Variants in HTR5A observed in about 807,000 individuals in gnomAD.
The protein encoded by HTR5A is 5-hydroxytryptamine receptor 5A.
Under a neutral mutation model 24.3 loss-of-function variants are expected in HTR5A, and 21 were observed. The ratio of observed to expected loss-of-function variants is 0.86; its 90% CI spans 0.61 to 1.24. HTR5A has a LOEUF of 1.24. Among genes scored for constraint, HTR5A ranks in the 50% most tolerant of loss-of-function variants. The probability of loss-of-function intolerance (pLI) is 0.00; values close to 1 mark genes in which losing one functional copy is unlikely to be tolerated. For synonymous variants in HTR5A, 260 were observed against 213.7 expected (o/e 1.22, Z -1.89); for missense variants, 497 against 489.5 (o/e 1.02, Z -0.15).
At position 155,084,155 on chromosome 7, in the gene HTR5A, G is replaced by T; in HGVS notation, c.742G>T (p.Val248Leu). ...TAAAGCTCCTGCTTGTCTTTTACAGGTGAAGGACTCTGCCAAACAGCCCCA... is the reference window on the plus strand; with the variant it reads ...TAAAGCTCCTGCTTGTCTTTTACAGTTGAAGGACTCTGCCAAACAGCCCCA... The part of the protein sequence containing the change: ...SVSPISEAVE[V>L]KDSAKQPQMV... The change falls in exon 2 of 2, where the codon GTG becomes TTG. Residue 248 changes from valine (V) to leucine (L), a missense_variant and splice_region_variant. Coordinates refer to ENST00000287907, the MANE Select transcript of HTR5A (RefSeq NM_024012.4). 1 of 1,597,054 alleles carries T rather than the reference G, an allele frequency of 6.3e-7. No homozygotes were observed.
intron 1 of HTR5A, chr7:155,077,296 G>A (rs1795368333): frequency 6.6e-6 from 1 of 152,028 alleles, no homozygotes; most frequent in Non-Finnish European, 1.5e-5. Context: ...GTTATAAGTT[G>A]GCACACAGAA....
rs868262290 is a variant in HTR5A at position 155,084,899 on chromosome 7, A to C, written c.*412A>C. 1 of 177,000 alleles carries C rather than the reference A, an allele frequency of 5.6e-6. No individual in the cohort carries two copies. Among genetic ancestry groups the C allele is most frequent in the Non-Finnish European group, 1.2e-5 (1 of 84,594 alleles). 11.0% of individuals were successfully genotyped at this position (177,000 alleles called of 1,614,324 possible). On this transcript the variant is annotated 3_prime_UTR_variant, in exon 2 of 2. Transcript: ENST00000287907. Reference sequence around the variant, plus strand: ...AGTCATGATGTAGACCTCTGAGGGTAGGAGACCATAGTTCCAGGCTTTCTG... The same window carrying C: ...AGTCATGATGTAGACCTCTGAGGGTCGGAGACCATAGTTCCAGGCTTTCTG...
At chr7:155,077,797 T>G (rs1323745699) in intron 1 of HTR5A, among the ~76,000 whole-genome samples, 1 of 152,202 alleles carries the variant, frequency 6.6e-6, no homozygotes, top group Non-Finnish European at 1.5e-5. Context: ...TTGTTTGTTT[T>G]TAATTTTTAA....
Position 155,071,016 on chromosome 7 carries a change from C to A in HTR5A, c.117C>A (p.Phe39Leu). The A allele has an allele frequency of 1.2e-6, 2 of 1,611,760 alleles. No homozygotes were observed. Among genetic ancestry groups the A allele is most frequent in the Non-Finnish European group, 1.7e-6 (2 of 1,180,036 alleles). ...LRPSSPLLSV[F>L]GVLILTLLGF... ...CCAGCTCGCCCCTGCTCTCGGTCTT[C>A]GGAGTGCTTATTCTCACCTTGCTGG... The change falls in exon 1 of 2, where the codon TTC (phenylalanine) becomes TTA (leucine). Residue 39 changes from phenylalanine (F) to leucine (L), a missense_variant. Physicochemically the swap from Phe to Leu is conservative, Grantham distance 22 (BLOSUM62 0). Transcript: ENST00000287907.
Position 155,076,294 on chromosome 7 carries a change from G to T in HTR5A, c.741+4654G>T, listed in dbSNP as rs144029527. Among the ~76,000 whole-genome samples, 760 of 152,234 alleles carry T rather than the reference G, an allele frequency of 5.0e-3. 3 individuals carry two copies. The highest frequency in any genetic ancestry group is 0.034 in the Middle Eastern group (10 of 294). On this transcript the variant is annotated intron_variant, in intron 1 of 1. Transcript: ENST00000287907. ...AGTCATCAAATAATTCACATTTGTTGTCCATTTTTAGAGTACCTGAAGGAG... is the reference window on the plus strand; with the variant it reads ...AGTCATCAAATAATTCACATTTGTTTTCCATTTTTAGAGTACCTGAAGGAG...
rs753047638 is a variant in HTR5A, at chr7:155,084,454, C to G, written c.1041C>G (p.Ser347Arg). 6.2e-7 allele frequency: 1 copy of G among 1,613,308 alleles called. No individual in the cohort carries two copies. The highest frequency in any genetic ancestry group is 1.1e-5 in the South Asian group (1 of 90,990). ...CGGCTTTCAACAAGAACTACAACAGCGCCTTCAAGAACTTCTTTTCTAGGC... is the reference window on the plus strand; with the variant it reads ...CGGCTTTCAACAAGAACTACAACAGGGCCTTCAAGAACTTCTTTTCTAGGC... ...IYTAFNKNYNSAFKNFFSRQH is the reference protein window; with the variant it reads ...IYTAFNKNYNRAFKNFFSRQH Residue 347 changes from serine (S) to arginine (R), a missense_variant, in exon 2 of 2, where the codon AGC becomes AGG. Transcript: ENST00000287907.
chr7:155,070,920 A>G lies in HTR5A; in HGVS notation c.21A>G (p.Leu7=). The G allele has an allele frequency of 6.2e-7, 1 of 1,603,590 alleles. No individual in the cohort carries two copies. Among genetic ancestry groups the G allele is most frequent in the Non-Finnish European group, 8.5e-7 (1 of 1,179,290 alleles). The change falls in exon 1 of 2, where the codon CTA becomes CTG. Residue 7 remains leucine, a synonymous_variant. Coordinates refer to ENST00000287907, the MANE Select transcript of HTR5A (RefSeq NM_024012.4). The part of the protein sequence containing the change: MDLPVN[L]TSFSLSTPSP... ...CAGAGATGGATTTACCTGTGAACCTAACCTCCTTTTCCCTCTCCACCCCCT... is the reference window on the plus strand; with the variant it reads ...CAGAGATGGATTTACCTGTGAACCTGACCTCCTTTTCCCTCTCCACCCCCT...
rs202173417 is a variant in HTR5A, at chr7:155,071,080, G to C, written c.181G>C (p.Val61Leu). 6.2e-7 allele frequency: 1 copy of C among 1,608,608 alleles called. No homozygotes were observed. Among genetic ancestry groups the C allele is most frequent in the South Asian group, 1.1e-5 (1 of 91,084 alleles). Reference sequence around the variant, plus strand: ...GGCGACGTTCGCCTGGAACCTGCTGGTGCTGGCGACCATCCTCCGTGTACG... The same window carrying C: ...GGCGACGTTCGCCTGGAACCTGCTGCTGCTGGCGACCATCCTCCGTGTACG... ...VAATFAWNLL[V>L]LATILRVRTF... Residue 61 changes from valine (V) to leucine (L), a missense_variant, in exon 1 of 2, where the codon GTG becomes CTG. Physicochemically the swap from Val to Leu is conservative, Grantham distance 32 (BLOSUM62 1). Transcript: ENST00000287907.
In HTR5A at chr7:155,087,151, C is replaced by T. The variant is rs1397986210; in HGVS notation, c.*2664C>T. On this transcript the variant is annotated 3_prime_UTR_variant, in exon 2 of 2. Transcript: ENST00000287907. ...CTATCAGTTTTATATTTTCATTGTG[C>T]GGTAGTGAAAGACAAGTGGAAGATG... Among the ~76,000 whole-genome samples, 4 of 151,928 alleles carry T rather than the reference C, an allele frequency of 2.6e-5. No homozygotes were observed. The highest frequency in any genetic ancestry group is 7.3e-5 in the African/African-American group (3 of 41,344).
intron 1 of HTR5A, among the ~76,000 whole-genome samples, chr7:155,079,090 G>T (rs1795388896): frequency 6.6e-6 from 1 of 151,940 alleles, no homozygotes; most frequent in Non-Finnish European, 1.5e-5. Flanking sequence ...GAGTAGCTGG[G>T]ACCACAGGGA....
Position 155,086,190 on chromosome 7 carries a change from A to C in HTR5A, c.*1703A>C, listed in dbSNP as rs1042321492. 5.3e-5 allele frequency among the ~76,000 whole-genome samples: 8 copies of C among 152,240 alleles called. No homozygotes were observed. The highest frequency in any genetic ancestry group is 1.0e-4 in the Non-Finnish European group (7 of 68,028). On this transcript the variant is annotated 3_prime_UTR_variant, in exon 2 of 2. Coordinates refer to ENST00000287907, the MANE Select transcript of HTR5A (RefSeq NM_024012.4). Reference sequence around the variant, plus strand: ...GTGTTTTGAATAAGGGAAGTGTTTGAATAAGGGAAGGGAAGTGTTTGAAAA... The same window carrying C: ...GTGTTTTGAATAAGGGAAGTGTTTGCATAAGGGAAGGGAAGTGTTTGAAAA...
chr7:155,073,337 A>AAAAAAAG (rs1795319429), intron 1 of HTR5A, among the ~76,000 whole-genome samples: 1 of 150,890 alleles, frequency 6.6e-6, no homozygotes, highest in Non-Finnish European at 1.5e-5. Flanking sequence ...AAAAAAAAAA[A>AAAAAAAG]GAATTGAGGA....
At position 155,073,863 on chromosome 7, in the gene HTR5A, G is replaced by GTATATATATATATACGTATATATA. The variant is rs58094908; in HGVS notation, c.741+2224_741+2225insATATATATATATACGTATATATAT. On this transcript the variant is annotated intron_variant, in intron 1 of 1. Coordinates refer to ENST00000287907, the MANE Select transcript of HTR5A (RefSeq NM_024012.4). ...CACATATATATACATATGTGTGTGT[G>GTATATATATATATACGTATATATA]TGTATATATATATGTATATATATAT... Among the ~76,000 whole-genome samples the GTATATATATATATACGTATATATA allele has an allele frequency of 5.2e-3, 351 of 68,034 alleles. 3 individuals are homozygous for GTATATATATATATACGTATATATA. The highest frequency in any genetic ancestry group is 0.017 in the African/African-American group (327 of 18,802). 44.6% of individuals were successfully genotyped at this position (68,034 alleles called of 152,430 possible).
At position 155,070,994 on chromosome 7, in the gene HTR5A, G is replaced by A. The variant is rs933212582; in HGVS notation, c.95G>A (p.Ser32Asn). ...CTCGGCAAAGACGACCTGCGCCCCA[G>A]CTCGCCCCTGCTCTCGGTCTTCGGA... ...HSLGKDDLRP[S>N]SPLLSVFGVL... The change falls in exon 1 of 2, where the codon AGC becomes AAC. Residue 32 changes from serine to asparagine, a missense_variant. Transcript: ENST00000287907. 2 of 1,611,640 alleles carry A rather than the reference G, an allele frequency of 1.2e-6. No individual in the cohort carries two copies. The highest frequency in any genetic ancestry group is 2.7e-5 in the African/African-American group (2 of 74,900).
rs1490098406 is a variant in HTR5A, at chr7:155,085,580, A to G, written c.*1093A>G. On this transcript the variant is annotated 3_prime_UTR_variant, in exon 2 of 2. Transcript: ENST00000287907. ...CCAGTCCTCTACAAATTGACAGTATAATTTATGAGGTGAGGCAGTTAAGTG... is the reference window on the plus strand; with the variant it reads ...CCAGTCCTCTACAAATTGACAGTATGATTTATGAGGTGAGGCAGTTAAGTG... 1 of 152,168 alleles carries G rather than the reference A, an allele frequency of 6.6e-6. No individual in the cohort carries two copies. Among genetic ancestry groups the G allele is most frequent in the Non-Finnish European group, 1.5e-5 (1 of 68,020 alleles). 9.4% of individuals were successfully genotyped at this position (152,168 alleles called of 1,614,324 possible). A position where few individuals can be genotyped will look rare whatever the true frequency, so the allele number is the denominator to read the frequency against.
chr7:155,078,040 A>G (rs1795376905), intron 1 of HTR5A, among the ~76,000 whole-genome samples: 1 of 152,164 alleles, frequency 6.6e-6, no homozygotes, highest in African/African-American at 2.4e-5. Context: ...GATAGATTGT[A>G]TATAGTTGTC....
At chr7:155,076,567 T>C (rs994365235) in intron 1 of HTR5A, among the ~76,000 whole-genome samples, 1 of 152,200 alleles carries the variant, frequency 6.6e-6, no homozygotes, top group Admixed American at 6.5e-5. Context: ...AATATTTCAT[T>C]GGAATTTGGT....
rs1315394295 is a variant in HTR5A, at chr7:155,071,064, C to G, written c.165C>G (p.Phe55Leu). The change falls in exon 1 of 2, where the codon TTC becomes TTG. Residue 55 changes from phenylalanine (F) to leucine (L), a missense_variant. Physicochemically the swap from Phe to Leu is conservative, Grantham distance 22. Transcript: ENST00000287907. Reference sequence around the variant, plus strand: ...TGGGCTTTCTGGTGGCGGCGACGTTCGCCTGGAACCTGCTGGTGCTGGCGA... The same window carrying G: ...TGGGCTTTCTGGTGGCGGCGACGTTGGCCTGGAACCTGCTGGTGCTGGCGA... ...TLLGFLVAATFAWNLLVLATI... is the reference protein window; with the variant it reads ...TLLGFLVAATLAWNLLVLATI... 6.2e-7 allele frequency: 1 copy of G among 1,609,506 alleles called. No homozygotes were observed. The highest frequency in any genetic ancestry group is 8.5e-7 in the Non-Finnish European group (1 of 1,180,024).
In HTR5A at chr7:155,084,296, G is replaced by T. The variant is rs371458123; in HGVS notation, c.883G>T (p.Val295Leu). 6.8e-6 allele frequency: 11 copies of T among 1,614,128 alleles called. No individual in the cohort carries two copies. The highest frequency in any genetic ancestry group is 9.3e-6 in the Non-Finnish European group (11 of 1,180,022). Residue 295 changes from valine (V) to leucine (L), a missense_variant, in exon 2 of 2, where the codon GTG becomes TTG. Physicochemically the swap from Val to Leu is conservative, Grantham distance 32. Coordinates refer to ENST00000287907, the MANE Select transcript of HTR5A (RefSeq NM_024012.4). ...GGTGGGCATCCTCATTGGCGTGTTC[G>T]TGCTCTGCTGGATCCCCTTCTTTCT... ...LMVGILIGVF[V>L]LCWIPFFLTE...
Sources: allele counts gnomAD v4.1 joint callset (sites outside exome capture counted in the v4.1 genomes callset), GRCh38; gene constraint gnomAD v4.1.1; transcripts MANE v1.5; gene names NCBI Gene and HGNC (gene_info 2026-07-23, HGNC 2026-07-21).